FBXO11: variants seen among roughly 807,000 people sequenced by gnomAD.
FBXO11 encodes the protein F-box only protein 11.
FBXO11 carries 13 observed loss-of-function variants against 117.0 expected under a neutral mutation model. That is an observed-to-expected ratio of 0.11 (90% CI 0.07 to 0.18). The LOEUF is 0.18. Ranked by LOEUF, FBXO11 falls within the 10% of genes least tolerant of loss-of-function variation. The pLI is 1.00. For synonymous variants in FBXO11, 490 were observed against 380.5 expected (o/e 1.29, Z -3.35); for missense variants, 767 against 1,164.4 (o/e 0.66, Z 4.97).
intron 1 of FBXO11, among the ~76,000 whole-genome samples, chr2:47,843,734 G>T (rs78583604): frequency 0.16 from 24,016 of 151,298 alleles, 2,044 homozygotes; most frequent in Non-Finnish European, 0.18. Flanking sequence ...ATTTGCTGCT[G>T]CTTCTTCTTC....
intron 1 of FBXO11, among the ~76,000 whole-genome samples, chr2:47,901,045 A>G (rs1266775473): frequency 2.2e-5 from 3 of 135,996 alleles, no homozygotes; most frequent in African/African-American, 5.3e-5. Flanking sequence ...ACGTGTGTAC[A>G]TATATACACA....
Position 47,855,073 on chromosome 2 carries a change from T to C in FBXO11, c.233-15304A>G, listed in dbSNP as rs188737110. Among the ~76,000 whole-genome samples the C allele has an allele frequency of 2.6e-5, 4 of 152,258 alleles. No homozygotes were observed. The East Asian group carries it at 7.7e-4, about 29-fold the overall frequency. ...AATAGAACATGAAATCAGGAATCAC[T>C]TTCTAGAATTGTGAGATCACTATAT... On this transcript the variant is annotated intron_variant, in intron 1 of 22. Transcript: ENST00000403359.
rs1340619374 is a variant in FBXO11, at chr2:47,839,286, A to C, written c.442+133T>G. ...GTCAGAGGGAGAGGTCAGGGTTCTA[A>C]AGTTTATTCTGTAATAATCACTTTC... On this transcript the variant is annotated intron_variant, in intron 3 of 22. Transcript: ENST00000403359. 4.6e-6 allele frequency: 4 copies of C among 863,246 alleles called. No homozygotes were observed. In the African/African-American group the frequency reaches 6.9e-5, roughly 15 times the overall value. 53.5% of individuals were successfully genotyped at this position (863,246 alleles called of 1,614,324 possible).
At chr2:47,832,540 A>G (rs1241937679) in intron 10 of FBXO11, 32 bp downstream of exon 10, 2 of 1,607,778 alleles carry the variant, frequency 1.2e-6, no homozygotes, top group Admixed American at 1.7e-5. Flanking sequence ...CATTTTCTAA[A>G]AAGAAAAAAA....
chr2:47,891,653 G>T (rs1409575345), intron 1 of FBXO11, among the ~76,000 whole-genome samples: 1 of 152,162 alleles, frequency 6.6e-6, no homozygotes, highest in Non-Finnish European at 1.5e-5. Context: ...AGAATTGCTG[G>T]ATCATATGAT....
At chr2:47,858,553 A>T (rs1389119988) in intron 1 of FBXO11, among the ~76,000 whole-genome samples, 1 of 150,146 alleles carries the variant, frequency 6.7e-6, no homozygotes, top group Admixed American at 6.6e-5. Flanking sequence ...ATGGTAGCAC[A>T]TGCCTGTAAT....
At chr2:47,886,199 T>A (rs1220901423) in intron 1 of FBXO11, among the ~76,000 whole-genome samples, 1 of 152,092 alleles carries the variant, frequency 6.6e-6, no homozygotes, top group African/African-American at 2.4e-5. Context: ...TTTGACCCAA[T>A]AACCCACTTT....
chr2:47,843,671 T>C (rs1432502897), intron 1 of FBXO11, among the ~76,000 whole-genome samples: 2 of 152,206 alleles, frequency 1.3e-5, no homozygotes, highest in East Asian at 1.9e-4. Context: ...GTCAGTCTAG[T>C]ATTTTTTAAA....
chr2:47,813,755 TATTAACAC>T, intron 17 of FBXO11, 28 bp downstream of exon 17: 2 of 1,437,736 alleles, frequency 1.4e-6, no homozygotes, highest in Non-Finnish European at 1.9e-6. Context: ...TTCTAAAGTT[TATTAACAC>T]AGAAAAAAGA....
At chr2:47,823,888 C>T (rs1236929235) in intron 11 of FBXO11, among the ~76,000 whole-genome samples, 2 of 151,528 alleles carry the variant, frequency 1.3e-5, no homozygotes, top group Non-Finnish European at 2.9e-5. Context: ...ACTCTGTTGT[C>T]CAGGCTGGAG....
At chr2:47,858,943 G>A (rs950680600) in intron 1 of FBXO11, among the ~76,000 whole-genome samples, 7 of 151,084 alleles carry the variant, frequency 4.6e-5, no homozygotes, top group Non-Finnish European at 7.4e-5. Flanking sequence ...GGAGGCTGAG[G>A]CAGGAGAATG....
chr2:47,810,267 A>C, intron 19 of FBXO11, 49 bp downstream of exon 19: 1 of 1,232,868 alleles, frequency 8.1e-7, no homozygotes, highest in Non-Finnish European at 1.1e-6. Context: ...CACATCAAAC[A>C]CTTTGCAGAA....
intron 13 of FBXO11, among the ~76,000 whole-genome samples, chr2:47,821,367 T>G (rs192853565): frequency 1.3e-5 from 2 of 152,030 alleles, no homozygotes; most frequent in African/African-American, 2.4e-5. Flanking sequence ...TCCCAGCACT[T>G]TGGGAGACCG....
chr2:47,885,112 A>G (rs1676724503), intron 1 of FBXO11, among the ~76,000 whole-genome samples: 1 of 152,234 alleles, frequency 6.6e-6, no homozygotes, highest in African/African-American at 2.4e-5. Context: ...TTAAGCATAA[A>G]TGGGCCTAAC....
chr2:47,879,253 G>A (rs1294068133), intron 1 of FBXO11, among the ~76,000 whole-genome samples: 1 of 152,158 alleles, frequency 6.6e-6, no homozygotes, highest in Non-Finnish European at 1.5e-5. Context: ...TCTGATACAT[G>A]TATCATGTGG....
At chr2:47,822,033 C>G (rs528541855) in intron 13 of FBXO11, among the ~76,000 whole-genome samples, 185 bp downstream of exon 13, 2 of 152,192 alleles carry the variant, frequency 1.3e-5, no homozygotes, top group Admixed American at 1.3e-4. Context: ...CTGCTGTGAG[C>G]CATGTTTGTG....
chr2:47,905,646 CTGCTGCTGT>C lies in FBXO11; in HGVS notation c.66_74del (p.Gln24_Gln26del). On this transcript the variant is annotated inframe_deletion, in exon 1 of 23. Coordinates refer to ENST00000403359, the MANE Select transcript of FBXO11 (RefSeq NM_001190274.2). ...GCGGCGGCGGCTGCTGCGGGGGCTG[CTGCTGCTGT>C]TGCTGCACCGGGCGCGGCCGCGACA... The C allele has an allele frequency of 2.1e-6, 3 of 1,456,298 alleles. No homozygotes were observed. Among genetic ancestry groups the C allele is most frequent in the Non-Finnish European group, 2.7e-6 (3 of 1,102,706 alleles). 90.2% of individuals were successfully genotyped at this position (1,456,298 alleles called of 1,614,324 possible).
Position 47,828,833 on chromosome 2 carries a change from A to G in FBXO11, c.1398+3516T>C, listed in dbSNP as rs556325457. Among the ~76,000 whole-genome samples, 19 of 152,330 alleles carry G rather than the reference A, an allele frequency of 1.2e-4. No individual in the cohort carries two copies. The East Asian group carries it at 2.9e-3, about 23-fold the overall frequency. On this transcript the variant is annotated intron_variant, in intron 11 of 22. Transcript: ENST00000403359. ...TTTCAATGAAGTGTAGTTGTCCCCA[A>G]GTAACTAAAGGCTATAATAAGCTTA...
intron 16 of FBXO11, 42 bp downstream of exon 16, chr2:47,818,737 C>G (rs1339023487): frequency 3.5e-6 from 5 of 1,442,954 alleles, no homozygotes; most frequent in Non-Finnish European, 4.7e-6. Context: ...CCACATACTC[C>G]TAACTCCCTC....
Sources: gnomAD v4.1 joint callset for allele counts (sites outside exome capture counted in the v4.1 genomes callset) on GRCh38, gnomAD v4.1.1 for gene constraint, MANE v1.5 for transcripts, NCBI Gene and HGNC (gene_info 2026-07-23, HGNC 2026-07-21) for gene names.